The following NOTO variants were observed in gnomAD, a reference collection of about 807,000 sequenced individuals.
The protein encoded by NOTO is homeobox protein notochord.
In NOTO, 19 loss-of-function variants were observed where a neutral mutation model predicts 20.5. That is an observed-to-expected ratio of 0.93 (90% CI 0.65 to 1.36). NOTO has a LOEUF of 1.36. Among genes scored for constraint, NOTO ranks in the 40% most tolerant of loss-of-function variants. The probability of loss-of-function intolerance (pLI) is 0.00; values close to 1 mark genes in which losing one functional copy is unlikely to be tolerated. For missense variants in NOTO, 369 were observed against 336.2 expected (o/e 1.10, Z -0.76); for synonymous variants, 150 against 150.2 (o/e 1.00, Z 0.01).
intron 1 of NOTO, among the ~76,000 whole-genome samples, chr2:73,204,915 T>C (rs1686069333): frequency 7.0e-6 from 1 of 143,580 alleles, no homozygotes. Flanking sequence ...GGAGTCTTGC[T>C]CTGTCCTTAG....
chr2:73,205,885 T>C (rs566972695), intron 1 of NOTO, among the ~76,000 whole-genome samples: 1 of 152,246 alleles, frequency 6.6e-6, no homozygotes, highest in East Asian at 1.9e-4. Context: ...AGGCATGCGC[T>C]ACCATACTCG....
At chr2:73,207,648 G>A (rs1045892500) in intron 1 of NOTO, among the ~76,000 whole-genome samples, 7 of 151,896 alleles carry the variant, frequency 4.6e-5, no homozygotes, top group Admixed American at 2.0e-4. Flanking sequence ...TCTGCTTCCC[G>A]GACTCAAGCA....
chr2:73,202,739 G>A lies in NOTO; in HGVS notation c.73G>A (p.Gly25Ser), dbSNP rs572157704. ...SGSRVRPPRS[G>S]RSPAPRSPTG... ...CTCTCGGGTCCGACCTCCGCGCTCT[G>A]GCCGCTCTCCGGCGCCCAGGTCCCC... The change falls in exon 1 of 3, where the codon GGC becomes AGC. Residue 25 changes from glycine to serine, a missense_variant. By Grantham distance (56) the Gly-to-Ser change is moderately conservative (BLOSUM62 0). Transcript: ENST00000398468. 6.7e-5 allele frequency: 102 copies of A among 1,519,424 alleles called. 1 individual carries two copies. In the South Asian group the frequency reaches 1.1e-3, roughly 16 times the overall value. The allele number at this position is 1,519,424 out of a possible 1,614,324, so 94.1% of individuals were successfully genotyped here. A position where few individuals can be genotyped will look rare whatever the true frequency, so the allele number is the denominator to read the frequency against.
intron 1 of NOTO, among the ~76,000 whole-genome samples, chr2:73,206,302 A>G (rs1018578798): frequency 1.2e-4 from 19 of 152,188 alleles, no homozygotes; most frequent in African/African-American, 4.6e-4. Flanking sequence ...TGCCTGGCAC[A>G]GTGCTAAGCA....
intron 1 of NOTO, among the ~76,000 whole-genome samples, chr2:73,205,159 C>A (rs575562794): frequency 6.6e-6 from 1 of 152,014 alleles, no homozygotes; most frequent in East Asian, 1.9e-4. Flanking sequence ...TTGTATTTTG[C>A]CCATATGTAT....
At chr2:73,203,077 G>A (rs1686029617) in intron 1 of NOTO, 29 bp downstream of exon 1, 1 of 1,370,728 alleles carries the variant, frequency 7.3e-7, no homozygotes, top group South Asian at 1.7e-5. Context: ...CCGCACGCGG[G>A]GGACTGGGCG....
chr2:73,203,453 C>T (rs1686035638), intron 1 of NOTO, among the ~76,000 whole-genome samples: 1 of 146,804 alleles, frequency 6.8e-6, no homozygotes, highest in African/African-American at 2.6e-5. Context: ...CGACCCGAAC[C>T]AATGGCCCTG....
rs761186993 is a variant in NOTO at position 73,210,753 on chromosome 2, C to A, written c.598-18C>A. On this transcript the variant is annotated intron_variant, in intron 2 of 2. Transcript: ENST00000398468. ...CCTGATGGTCACATTCTGATCTCTG[C>A]CCACTCTCCAATTATAGGTGAGAGT... 1 of 1,539,232 alleles carries A rather than the reference C, an allele frequency of 6.5e-7. No individual in the cohort carries two copies. Among genetic ancestry groups the A allele is most frequent in the South Asian group, 1.2e-5 (1 of 82,044 alleles).
intron 1 of NOTO, among the ~76,000 whole-genome samples, chr2:73,203,282 G>A (rs1686032944): frequency 6.6e-6 from 1 of 152,226 alleles, no homozygotes; most frequent in Admixed American, 6.5e-5. Context: ...AGGTGGGAGA[G>A]GGTGGGTGTG....
At position 73,204,235 on chromosome 2, in the gene NOTO, G is replaced by A. The variant is rs1283586902; in HGVS notation, c.382+1187G>A. On this transcript the variant is annotated intron_variant, in intron 1 of 2. Transcript: ENST00000398468. ...TGAGGTTGCATTAAGCCGAGATTGC[G>A]CCACTGCACTCTAGCCTGGGCAACA... 2.6e-5 allele frequency among the ~76,000 whole-genome samples: 4 copies of A among 152,060 alleles called. No individual in the cohort carries two copies. In the South Asian group the frequency reaches 6.2e-4, roughly 24 times the overall value.
At chr2:73,204,891 T>A (rs1256839208) in intron 1 of NOTO, among the ~76,000 whole-genome samples, 1 of 143,562 alleles carries the variant, frequency 7.0e-6, no homozygotes, top group Non-Finnish European at 1.5e-5. Flanking sequence ...TTTTTTATTT[T>A]TTTTTTTTGA....
At chr2:73,205,786 C>T (rs1043119444) in intron 1 of NOTO, among the ~76,000 whole-genome samples, 2 of 152,084 alleles carry the variant, frequency 1.3e-5, no homozygotes, top group African/African-American at 4.8e-5. Context: ...CAGGCATGCG[C>T]TACCATACTC....
intron 2 of NOTO, among the ~76,000 whole-genome samples, chr2:73,209,621 G>A (rs930438016): frequency 6.6e-6 from 1 of 152,050 alleles, no homozygotes; most frequent in Non-Finnish European, 1.5e-5. Flanking sequence ...TTCCCTTGGG[G>A]ACCTCGAAAT....
Position 73,202,724 on chromosome 2 carries a change from C to G in NOTO, c.58C>G (p.Arg20Gly). ...ACCCGCTCCCTCGGGCTCTCGGGTC[C>G]GACCTCCGCGCTCTGGCCGCTCTCC... ...PPPAPSGSRV[R>G]PPRSGRSPAP... is the part of the protein sequence containing the mutation. The change falls in exon 1 of 3, where the codon CGA becomes GGA. Residue 20 changes from arginine to glycine, a missense_variant. Transcript: ENST00000398468. 1.3e-6 allele frequency: 2 copies of G among 1,519,284 alleles called. No homozygotes were observed. Among genetic ancestry groups the G allele is most frequent in the Non-Finnish European group, 1.8e-6 (2 of 1,139,666 alleles). The allele number at this position is 1,519,284 out of a possible 1,614,324, so 94.1% of individuals were successfully genotyped here.
At chr2:73,207,284 G>A (rs780919520) in intron 1 of NOTO, among the ~76,000 whole-genome samples, 1 of 152,092 alleles carries the variant, frequency 6.6e-6, no homozygotes, top group Admixed American at 6.5e-5. Context: ...CTAAGCAGCC[G>A]GGACCCCAGA....
chr2:73,204,345 C>G (rs1333787992), intron 1 of NOTO, among the ~76,000 whole-genome samples: 1 of 152,132 alleles, frequency 6.6e-6, no homozygotes, highest in African/African-American at 2.4e-5. Flanking sequence ...AAACATCCAC[C>G]TACACGTGCT....
chr2:73,211,135 T>A lies in NOTO; in HGVS notation c.*206T>A, dbSNP rs991724540. On this transcript the variant is annotated 3_prime_UTR_variant, in exon 3 of 3. Coordinates refer to ENST00000398468, the MANE Select transcript of NOTO (RefSeq NM_001134462.2). ...GCACAGACTCTGGCCTTCAGCTATG[T>A]CCTTGGCCAACCTATGGAACTTCCG... is the stretch of plus-strand genomic sequence containing the variant. 2 of 529,838 alleles carry A rather than the reference T, an allele frequency of 3.8e-6. No homozygotes were observed. The highest frequency in any genetic ancestry group is 3.8e-5 in the African/African-American group (2 of 52,488). 32.8% of individuals were successfully genotyped at this position (529,838 alleles called of 1,614,324 possible).
Position 73,212,412 on chromosome 2 carries a change from A to C in NOTO, c.*1483A>C, listed in dbSNP as rs1470285408. 1 of 152,214 alleles carries C rather than the reference A, an allele frequency of 6.6e-6. No individual in the cohort carries two copies. The highest frequency in any genetic ancestry group is 6.5e-5 in the Admixed American group (1 of 15,272). 9.4% of individuals were successfully genotyped at this position (152,214 alleles called of 1,614,324 possible). A position where few individuals can be genotyped will look rare whatever the true frequency, so the allele number is the denominator to read the frequency against. ...TCCTGCCTTGGCCTCCCAAAGCCCC[A>C]TCTTTTTATAGAATAATTTGTGTAT... On this transcript the variant is annotated 3_prime_UTR_variant, in exon 3 of 3. Coordinates refer to ENST00000398468, the MANE Select transcript of NOTO (RefSeq NM_001134462.2).
chr2:73,203,126 G>GTGCCCTCTCC, intron 1 of NOTO, 78 bp downstream of exon 1: 1 of 1,236,136 alleles, frequency 8.1e-7, no homozygotes, highest in Non-Finnish European at 1.0e-6. Flanking sequence ...CGGCGCCCCA[G>GTGCCCTCTCC]TGCAGGAGAG....
Sources: gnomAD v4.1 joint callset for allele counts (sites outside exome capture counted in the v4.1 genomes callset) on GRCh38, gnomAD v4.1.1 for gene constraint, MANE v1.5 for transcripts, NCBI Gene and HGNC (gene_info 2026-07-23, HGNC 2026-07-21) for gene names.